RNF126: variants seen among roughly 807,000 people sequenced by gnomAD.
RNF126 encodes the protein E3 ubiquitin-protein ligase RNF126.
RNF126 carries 20 observed loss-of-function variants against 41.9 expected under a neutral mutation model. The observed-to-expected ratio is 0.48, with a 90% CI of 0.34 to 0.69. The LOEUF (loss-of-function observed/expected upper bound fraction) is 0.69. Ranked by LOEUF, RNF126 falls within the 30% of genes least tolerant of loss-of-function variation. The probability of loss-of-function intolerance (pLI) is 0.01; values close to 1 mark genes in which losing one functional copy is unlikely to be tolerated. For missense variants in RNF126, 433 were observed against 460.6 expected (o/e 0.94, Z 0.55); for synonymous variants, 239 against 202.9 (o/e 1.18, Z -1.51).
In RNF126 at chr19:648,233, G is replaced by A. The variant is rs2030064083; in HGVS notation, c.831C>T (p.Asn277=). The A allele has an allele frequency of 2.5e-6, 4 of 1,593,694 alleles. No individual in the cohort carries two copies. Among genetic ancestry groups the A allele is most frequent in the Non-Finnish European group, 3.4e-6 (4 of 1,170,414 alleles). Residue 277 remains asparagine (N), a synonymous_variant, in exon 9 of 9, where the codon AAC becomes AAT. Coordinates refer to ENST00000292363, the MANE Select transcript of RNF126 (RefSeq NM_194460.3). ...TGAGGCCAGGGGGGTTCGTGGCCGT[G>A]TTCTGTCCCGTGAGGCTTTTTCGGC... ...PVCRKSLTGQ[N]TATNPPGLTG...
rs1401618396 is a variant in RNF126, at chr19:659,433, G to A, written c.75+3614C>T. Reference sequence around the variant, plus strand: ...CTCACCGCCACTTGGGGACACTGCGGAGGTTGCAGGCGTTCGGGGGTGGGG... The same window carrying A: ...CTCACCGCCACTTGGGGACACTGCGAAGGTTGCAGGCGTTCGGGGGTGGGG... On this transcript the variant is annotated intron_variant, in intron 1 of 8. Transcript: ENST00000292363. This position sits in a 1 kb window ranked among gnomAD's most constrained non-coding sequence, Gnocchi z 4.9. Among the ~76,000 whole-genome samples the A allele has an allele frequency of 6.6e-6, 1 of 152,200 alleles. No homozygotes were observed. The highest frequency in any genetic ancestry group is 1.5e-5 in the Non-Finnish European group (1 of 68,024).
intron 4 of RNF126, 68 bp from the exon 5 acceptor site, chr19:650,364 G>C (rs1179418790): frequency 1.1e-5 from 16 of 1,415,306 alleles, no homozygotes; most frequent in Middle Eastern, 1.8e-4. Flanking sequence ...AGGCCTGCCA[G>C]GTCCGTGGTG....
intron 1 of RNF126, among the ~76,000 whole-genome samples, chr19:656,592 G>A (rs1276438649): frequency 6.6e-6 from 1 of 152,144 alleles, no homozygotes; most frequent in Non-Finnish European, 1.5e-5. Context: ...AGGTTGCAGT[G>A]AGCCGAGATC....
At chr19:649,309 G>C in intron 6 of RNF126, 1 of 331,184 alleles carries the variant, frequency 3.0e-6, no homozygotes, top group South Asian at 7.8e-5. Context: ...GTCGGGTCCT[G>C]CCAGTGACAA....
rs770441770 is a variant in RNF126, at chr19:648,201, A to G, written c.863T>C (p.Val288Ala). ...CGATGACGACGAGGAGGAGAAGCTC[A>G]CCCCAGTGAGGCCAGGGGGGTTCGT... ...TATNPPGLTGVSFSSSSSSSS... is the reference protein window; with the variant it reads ...TATNPPGLTGASFSSSSSSSS... The change falls in exon 9 of 9, where the codon GTG becomes GCG. Residue 288 changes from valine to alanine, a missense_variant. Physicochemically the swap from Val to Ala is moderately conservative, Grantham distance 64. Transcript: ENST00000292363. 1.9e-6 allele frequency: 3 copies of G among 1,605,704 alleles called. No homozygotes were observed. The South Asian group carries it at 3.3e-5, about 18-fold the overall frequency.
chr19:652,380 G>A (rs980355109), intron 2 of RNF126, 84 bp from the exon 3 acceptor site: 44 of 1,218,084 alleles, frequency 3.6e-5, no homozygotes, highest in Middle Eastern at 3.9e-4. Flanking sequence ...AGCCTATGTT[G>A]GGAGAGCAGG....
chr19:653,760 A>C (rs1049701738), intron 1 of RNF126, among the ~76,000 whole-genome samples: 1 of 152,160 alleles, frequency 6.6e-6, no homozygotes, highest in Non-Finnish European at 1.5e-5. Flanking sequence ...ACTGGAAGCT[A>C]AATCAACTGC....
Position 647,945 on chromosome 19 carries a change from C to T in RNF126, c.*183G>A. On this transcript the variant is annotated 3_prime_UTR_variant, in exon 9 of 9. Coordinates refer to ENST00000292363, the MANE Select transcript of RNF126 (RefSeq NM_194460.3). ...GACGCCCCAGAGGGGACCATGTGGC[C>T]CACGCCTTCCCAAGCCAGGGGGCCG... The T allele has an allele frequency of 1.4e-6, 1 of 707,800 alleles. No homozygotes were observed. Among genetic ancestry groups the T allele is most frequent in the Non-Finnish European group, 2.3e-6 (1 of 436,042 alleles). The allele number at this position is 707,800 out of a possible 1,614,324, so 43.8% of individuals were successfully genotyped here. A position where few individuals can be genotyped will look rare whatever the true frequency, so the allele number is the denominator to read the frequency against.
intron 1 of RNF126, among the ~76,000 whole-genome samples, chr19:657,171 G>C (rs1371273886): frequency 6.6e-6 from 1 of 152,202 alleles, no homozygotes; most frequent in Non-Finnish European, 1.5e-5. Context: ...GGGAGAAGCT[G>C]TCTCCCTCTG....
At chr19:653,484 A>G (rs901989666) in intron 1 of RNF126, among the ~76,000 whole-genome samples, 2 of 152,196 alleles carry the variant, frequency 1.3e-5, no homozygotes, top group African/African-American at 4.8e-5. Context: ...GTTCCCCAGC[A>G]CCAGCCTCAA....
At chr19:656,274 T>C (rs1458846562) in intron 1 of RNF126, among the ~76,000 whole-genome samples, 3 of 151,774 alleles carry the variant, frequency 2.0e-5, no homozygotes, top group Admixed American at 6.6e-5. Flanking sequence ...CGCTTGAACC[T>C]GGGAGGTGGA....
chr19:660,321 G>A (rs1439613521), intron 1 of RNF126, among the ~76,000 whole-genome samples: 7 of 152,256 alleles, frequency 4.6e-5, no homozygotes, highest in Admixed American at 3.9e-4. Context: ...GCCTCAGCCT[G>A]ATCCCAGAGC....
rs1324775235 is a variant in RNF126 at position 648,862 on chromosome 19, G to A, written c.670+20C>T. 6 of 1,397,236 alleles carry A rather than the reference G, an allele frequency of 4.3e-6. No individual in the cohort carries two copies. The highest frequency in any genetic ancestry group is 2.9e-5 in the African/African-American group (2 of 68,888). 86.6% of individuals were successfully genotyped at this position (1,397,236 alleles called of 1,614,324 possible). On this transcript the variant is annotated intron_variant, in intron 7 of 8. Transcript: ENST00000292363. ...CGGGTGCCTGTAATTCCCACTACTCGGGAGGCTGAGCTCTCATACCTACGT... is the reference window on the plus strand; with the variant it reads ...CGGGTGCCTGTAATTCCCACTACTCAGGAGGCTGAGCTCTCATACCTACGT...
intron 3 of RNF126, among the ~76,000 whole-genome samples, 158 bp downstream of exon 3, chr19:652,075 C>T (rs183561932): frequency 4.6e-4 from 70 of 152,230 alleles, no homozygotes; most frequent in Non-Finnish European, 7.1e-4. Context: ...AACCAAGCAG[C>T]GTGGGCCGCC....
chr19:649,225 G>GGT (rs964491641), intron 6 of RNF126: 5 of 258,118 alleles, frequency 1.9e-5, no homozygotes, highest in Admixed American at 5.5e-5. Context: ...CGGAATGGGG[G>GGT]GGGGGGCCGC....
At chr19:660,350 C>G (rs909361558) in intron 1 of RNF126, among the ~76,000 whole-genome samples, 2 of 152,246 alleles carry the variant, frequency 1.3e-5, no homozygotes, top group Non-Finnish European at 2.9e-5. Context: ...GCAAAGGAGG[C>G]CCGGAACGGC....
intron 1 of RNF126, among the ~76,000 whole-genome samples, chr19:654,343 C>T (rs532889346): frequency 3.3e-5 from 5 of 152,304 alleles, no homozygotes; most frequent in South Asian, 4.1e-4. Context: ...CACGAATTCT[C>T]GGCACGCTCC....
intron 1 of RNF126, among the ~76,000 whole-genome samples, chr19:662,660 CCT>C (rs757275071): frequency 5.9e-5 from 9 of 152,276 alleles, no homozygotes; most frequent in East Asian, 1.9e-4. Context: ...CGGGCAATAC[CCT>C]CTCTCTGCTC....
At chr19:649,979 G>A (rs2030194058) in intron 5 of RNF126, among the ~76,000 whole-genome samples, 1 of 147,214 alleles carries the variant, frequency 6.8e-6, no homozygotes, top group Admixed American at 6.7e-5. Context: ...GCTGGGGATG[G>A]GGACAGGCAC....
Sources: gnomAD v4.1 joint callset for allele counts (sites outside exome capture counted in the v4.1 genomes callset) on GRCh38, gnomAD v4.1.1 for gene constraint, Gnocchi (gnomAD v3.1) non-coding constraint, MANE v1.5 for transcripts, NCBI Gene and HGNC (gene_info 2026-07-23, HGNC 2026-07-21) for gene names.